Variants in BTBD2 observed in about 807,000 individuals in gnomAD.
BTBD2 encodes BTB domain containing 2.
Under a neutral mutation model 44.0 loss-of-function variants are expected in BTBD2, and 15 were observed. That is an observed-to-expected ratio of 0.34 (90% confidence interval 0.23 to 0.53). BTBD2 has a LOEUF of 0.53. Ranked by LOEUF, BTBD2 falls within the 20% of genes least tolerant of loss-of-function variation. BTBD2 has a pLI of 0.95. For missense variants in BTBD2, 657 were observed against 746.4 expected (o/e 0.88, Z 1.39); for synonymous variants, 443 against 335.9 (o/e 1.32, Z -3.49).
At position 2,015,397 on chromosome 19, in the gene BTBD2, C is replaced by G; in HGVS notation, c.307G>C (p.Val103Leu). 1 of 1,561,784 alleles carries G rather than the reference C, an allele frequency of 6.4e-7. No individual in the cohort carries two copies. Among genetic ancestry groups the G allele is most frequent in the Non-Finnish European group, 8.6e-7 (1 of 1,162,430 alleles). The change falls in exon 1 of 9, where the codon GTG becomes CTG. Residue 103 changes from valine to leucine, a missense_variant. Val to Leu is a conservative substitution (Grantham distance 32). Transcript: ENST00000255608. ...AYNWQASKPT[V>L]QERFAFLFNN... ...AAGAGGAAGGCGAAGCGCTCCTGCA[C>G]GGTGGGCTTGCTGGCCTGCCAGTTG... is the stretch of plus-strand genomic sequence containing the variant.
chr19:1,993,245 G>T, intron 2 of BTBD2, 69 bp from the exon 3 acceptor site: 1 of 1,509,702 alleles, frequency 6.6e-7, no homozygotes, highest in Non-Finnish European at 8.8e-7. Flanking sequence ...AGCGTCAGGG[G>T]ACCACTCAGA....
Position 1,986,567 on chromosome 19 carries a change from G to A in BTBD2, c.1499C>T (p.Thr500Ile). 1 of 1,614,104 alleles carries A rather than the reference G, an allele frequency of 6.2e-7. No individual in the cohort carries two copies. Among genetic ancestry groups the A allele is most frequent in the Non-Finnish European group, 8.5e-7 (1 of 1,179,982 alleles). ...SPTTGAKTCF[T>I]FCYAAGNNNG... ...GTTGTTCCCGGCCGCGTAGCAAAAG[G>A]TGAAGCAGGTCTTGGCGCCCGTGGT... Residue 500 changes from threonine to isoleucine, a missense_variant, in exon 9 of 9, where the codon ACC (threonine) becomes ATC (isoleucine). Around this residue, in one of 3 missense-constraint regions of BTBD2, gnomAD observed 449 missense variants for 510.9 expected, o/e 0.88. Transcript: ENST00000255608.
At chr19:1,998,862 G>A (rs970260851) in intron 1 of BTBD2, among the ~76,000 whole-genome samples, 6 of 152,118 alleles carry the variant, frequency 3.9e-5, no homozygotes, top group East Asian at 1.9e-4. Context: ...CGGCCTGCGC[G>A]CGGCGGAGCA....
intron 1 of BTBD2, among the ~76,000 whole-genome samples, chr19:2,006,471 C>T (rs1421463393): frequency 6.7e-6 from 1 of 149,404 alleles, no homozygotes; most frequent in Non-Finnish European, 1.5e-5. Flanking sequence ...TGTGCCACTG[C>T]ACTCCAGCCT....
chr19:2,010,630 G>A (rs1415618082), intron 1 of BTBD2, among the ~76,000 whole-genome samples: 2 of 149,508 alleles, frequency 1.3e-5, no homozygotes, highest in Admixed American at 6.7e-5. Flanking sequence ...AGTTCGTCCC[G>A]ACATCCCCCC....
At chr19:1,994,673 C>T (rs947283143) in intron 2 of BTBD2, among the ~76,000 whole-genome samples, 1 of 152,074 alleles carries the variant, frequency 6.6e-6, no homozygotes, top group African/African-American at 2.4e-5. Flanking sequence ...GCAGGAGAAT[C>T]ACTTGAACCC....
At position 2,015,599 on chromosome 19, in the gene BTBD2, G is replaced by A. The variant is rs1298418240; in HGVS notation, c.105C>T (p.Thr35=). 2.1e-6 allele frequency: 2 copies of A among 971,238 alleles called. No homozygotes were observed. The highest frequency in any genetic ancestry group is 1.8e-5 in the African/African-American group (1 of 54,452). 60.2% of individuals were successfully genotyped at this position (971,238 alleles called of 1,614,324 possible). A position where few individuals can be genotyped will look rare whatever the true frequency, so the allele number is the denominator to read the frequency against. ...CGGCGGCCGCGTTGCCGGGGGCCGG[G>A]GTGGCGGCGGCGTTGGCGCTGGGCC... ...SPGPSANAAA[T]PAPGNAAAAA... is the part of the protein sequence containing the mutation. The change falls in exon 1 of 9, where the codon ACC becomes ACT. Residue 35 remains threonine (T), a synonymous_variant. Coordinates refer to ENST00000255608, the MANE Select transcript of BTBD2 (RefSeq NM_017797.4).
chr19:1,989,340 G>C (rs778959931), intron 5 of BTBD2: 1 of 154,336 alleles, frequency 6.5e-6, no homozygotes, highest in Non-Finnish European at 1.4e-5. Flanking sequence ...GCAGTGAGCT[G>C]TGATTGTACC....
chr19:1,993,165 G>A lies in BTBD2; in HGVS notation c.539C>T (p.Ser180Leu). The A allele has an allele frequency of 1.2e-6, 2 of 1,601,448 alleles. No homozygotes were observed. Among genetic ancestry groups the A allele is most frequent in the South Asian group, 1.1e-5 (1 of 90,612 alleles). Reference protein sequence around the residue: ...AFLALLKFLYSDEVQIGPETV... With the variant: ...AFLALLKFLYLDEVQIGPETV... ...CTCCGGGCCAATCTGCACCTCGTCC[G>A]AGTAGAGAAACCTGCAGAAGCAACG... The change falls in exon 3 of 9, where the codon TCG (serine) becomes TTG (leucine). Residue 180 changes from serine (S) to leucine (L), a missense_variant. Ser to Leu is a moderately radical substitution (Grantham distance 145). Transcript: ENST00000255608.
At chr19:1,988,419 C>T (rs905238702) in intron 5 of BTBD2, 3 of 152,370 alleles carry the variant, frequency 2.0e-5, no homozygotes, top group African/African-American at 7.2e-5. Context: ...GACCTAATCA[C>T]TCATCAACCA....
At chr19:1,990,343 G>A (rs1327652763) in intron 4 of BTBD2, 142 bp from the exon 5 acceptor site, 2 of 854,084 alleles carry the variant, frequency 2.3e-6, no homozygotes, top group South Asian at 1.7e-5. Context: ...CTGTGAGTGT[G>A]TTTATAAATA....
chr19:1,997,043 G>A (rs1163606777), intron 2 of BTBD2, among the ~76,000 whole-genome samples: 1 of 151,838 alleles, frequency 6.6e-6, no homozygotes, highest in East Asian at 1.9e-4. Flanking sequence ...AGCCGGGCGT[G>A]GTGGCACGAG....
In BTBD2 at chr19:1,997,546, C is replaced by T. The variant is rs904316663; in HGVS notation, c.408-83G>A. ...AGGGCCAGCCCGGTATCCTGGGTGA[C>T]CACCCCACTAGGGCTCCCTGCCAGC... On this transcript the variant is annotated intron_variant, in intron 1 of 8. Coordinates refer to ENST00000255608, the MANE Select transcript of BTBD2 (RefSeq NM_017797.4). The T allele has an allele frequency of 2.9e-5, 45 of 1,578,894 alleles. No homozygotes were observed. The South Asian group carries it at 4.6e-4, about 16-fold the overall frequency.
In BTBD2 at chr19:2,015,561, G is replaced by T; in HGVS notation, c.143C>A (p.Ala48Asp). Residue 48 changes from alanine (A) to aspartate (D), a missense_variant, in exon 1 of 9, where the codon GCC (alanine) becomes GAC (aspartate). Ala to Asp is a moderately radical substitution (Grantham distance 126). Coordinates refer to ENST00000255608, the MANE Select transcript of BTBD2 (RefSeq NM_017797.4). ...PGNAAAAAAA[A>D]AAAAAAPGPT... ...CCCAGGGGCGGCGGCGGCGGCGGCG[G>T]CGGCGGCGGCGGCGGCGGCCGCGTT... The T allele has an allele frequency of 2.1e-6, 2 of 948,688 alleles. No individual in the cohort carries two copies. The highest frequency in any genetic ancestry group is 2.5e-6 in the Non-Finnish European group (2 of 803,998). 58.8% of individuals were successfully genotyped at this position (948,688 alleles called of 1,614,324 possible).
chr19:1,997,564 C>T, intron 1 of BTBD2, 101 bp from the exon 2 acceptor site: 2 of 1,526,792 alleles, frequency 1.3e-6, no homozygotes, highest in Non-Finnish European at 1.8e-6. Flanking sequence ...CTAGGGCTCC[C>T]TGCCAGCCTC....
chr19:2,013,241 C>G (rs973511519), intron 1 of BTBD2, among the ~76,000 whole-genome samples: 4 of 152,184 alleles, frequency 2.6e-5, no homozygotes, highest in Non-Finnish European at 4.4e-5. Context: ...CTCCAGTGCC[C>G]GCAGCAAGAA....
At chr19:2,000,975 CTCAGAT>C (rs944504626) in intron 1 of BTBD2, among the ~76,000 whole-genome samples, 3 of 152,186 alleles carry the variant, frequency 2.0e-5, no homozygotes, top group African/African-American at 4.8e-5. Flanking sequence ...CCCCAGAGTC[CTCAGAT>C]TCAGAGACAG....
chr19:1,988,157 C>T (rs1052856913), intron 5 of BTBD2: 3 of 162,224 alleles, frequency 1.8e-5, no homozygotes, highest in Admixed American at 1.7e-4. Context: ...ACGGTGGGCC[C>T]TAGGCAGACA....
rs776686422 is a variant in BTBD2, at chr19:1,987,514, G to T, written c.1167C>A (p.Thr389=). 8 of 1,588,066 alleles carry T rather than the reference G, an allele frequency of 5.0e-6. No homozygotes were observed. In the African/African-American group the frequency reaches 1.1e-4, roughly 22 times the overall value. The change falls in exon 6 of 9, where the codon ACC becomes ACA. Residue 389 remains threonine, a synonymous_variant. Coordinates refer to ENST00000255608, the MANE Select transcript of BTBD2 (RefSeq NM_017797.4). Reference sequence around the variant, plus strand: ...CCAAGCCCCACCTGATGCGGTCACTGGTCCCGCTGTAGCCCCAGCGACTCT... The same window carrying T: ...CCAAGCCCCACCTGATGCGGTCACTTGTCCCGCTGTAGCCCCAGCGACTCT... ...QVESRWGYSG[T]SDRIRFSVNK... is the part of the protein sequence containing the mutation.
Sources: gnomAD v4.1 joint callset for allele counts (sites outside exome capture counted in the v4.1 genomes callset) on GRCh38, gnomAD v4.1.1 for gene constraint, gnomAD v4.1.1 regional missense constraint, MANE v1.5 for transcripts, NCBI Gene and HGNC (gene_info 2026-07-23, HGNC 2026-07-21) for gene names.